The following ERO1B variants were observed in gnomAD, a reference collection of about 807,000 sequenced individuals.
ERO1B encodes the protein endoplasmic reticulum oxidoreductase 1 beta.
Under a neutral mutation model 75.3 loss-of-function variants are expected in ERO1B, and 49 were observed. That is an observed-to-expected ratio of 0.65 (90% CI 0.52 to 0.83). ERO1B has a LOEUF of 0.83. ERO1B is among the 40% of genes least tolerant of loss of function. The pLI is 0.00. For missense variants in ERO1B, 512 were observed against 560.1 expected (o/e 0.91, Z 0.87); for synonymous variants, 191 against 192.9 (o/e 0.99, Z 0.08).
chr1:236,220,795 G>A (rs1664119700), intron 15 of ERO1B, 37 bp downstream of exon 15: 1 of 1,494,704 alleles, frequency 6.7e-7, no homozygotes. Flanking sequence ...GAAACCCAAT[G>A]GGAAATCAAA....
rs1665018662 is a variant in ERO1B at position 236,251,247 on chromosome 1, T to C, written c.348+803A>G. ...TTACACACAATAAATTACATATTAC[T>C]TGTGGATACACATGCAATAAAAGTG... is the stretch of plus-strand genomic sequence containing the variant. On this transcript the variant is annotated intron_variant, in intron 4 of 15. Transcript: ENST00000354619. Among the ~76,000 whole-genome samples, 6 of 152,192 alleles carry C rather than the reference T, an allele frequency of 3.9e-5. No homozygotes were observed. The South Asian group carries it at 1.2e-3, about 32-fold the overall frequency.
In ERO1B at chr1:236,216,417, A is replaced by G. The variant is rs71642837; in HGVS notation, c.*2099T>C. The G allele has an allele frequency of 1.3e-5, 2 of 152,172 alleles. No homozygotes were observed. The highest frequency in any genetic ancestry group is 2.9e-5 in the Non-Finnish European group (2 of 67,998). The allele number at this position is 152,172 out of a possible 1,614,324, so 9.4% of individuals were successfully genotyped here. A position where few individuals can be genotyped will look rare whatever the true frequency, so the allele number is the denominator to read the frequency against. On this transcript the variant is annotated 3_prime_UTR_variant, in exon 16 of 16. Coordinates refer to ENST00000354619, the MANE Select transcript of ERO1B (RefSeq NM_019891.4). ...TCATTTAAGAAATAAAAACACATAC[A>G]CAAAAATGTAGGCTGCCCCTACAAT... is the stretch of plus-strand genomic sequence containing the variant.
At chr1:236,254,822 A>T (rs1665121549) in intron 2 of ERO1B, among the ~76,000 whole-genome samples, 2 of 152,006 alleles carry the variant, frequency 1.3e-5, no homozygotes, top group African/African-American at 4.8e-5. Flanking sequence ...CATGTTGGCC[A>T]GGCTGGTTTC....
At chr1:236,237,219 A>G (rs568599835) in intron 6 of ERO1B, among the ~76,000 whole-genome samples, 1 of 147,916 alleles carries the variant, frequency 6.8e-6, no homozygotes, top group Admixed American at 7.0e-5. Context: ...TCCCAGGTTC[A>G]AGCGATTCTC....
intron 6 of ERO1B, among the ~76,000 whole-genome samples, chr1:236,238,631 A>T (rs1341577350): frequency 1.3e-5 from 2 of 151,460 alleles, no homozygotes; most frequent in South Asian, 4.2e-4. Context: ...TAATCTCCAT[A>T]AGCTGCTCTT....
At chr1:236,243,178 T>G (rs530870468) in intron 6 of ERO1B, among the ~76,000 whole-genome samples, 1 of 152,246 alleles carries the variant, frequency 6.6e-6, no homozygotes, top group East Asian at 1.9e-4. Context: ...TCAGACTCAG[T>G]TTTCTCAGAT....
At chr1:236,278,402 A>G (rs1438170748) in intron 1 of ERO1B, among the ~76,000 whole-genome samples, 1 of 151,878 alleles carries the variant, frequency 6.6e-6, no homozygotes, top group Admixed American at 6.5e-5. Flanking sequence ...CATCCTCAAT[A>G]TAAGGGTAAA....
chr1:236,239,528 C>A (rs558301517), intron 6 of ERO1B, among the ~76,000 whole-genome samples: 2,081 of 152,068 alleles, frequency 0.014, 33 homozygotes, highest in African/African-American at 0.045. Context: ...AGGCCAAGTT[C>A]TCTACAAACA....
At chr1:236,242,597 G>T (rs922153469) in intron 6 of ERO1B, among the ~76,000 whole-genome samples, 1 of 151,910 alleles carries the variant, frequency 6.6e-6, no homozygotes, top group Non-Finnish European at 1.5e-5. Flanking sequence ...TTCTACCCGT[G>T]AATCTTTTTT....
In ERO1B at chr1:236,226,627, C is replaced by G; in HGVS notation, c.805+20G>C. ...TTTACACTAATAGAAGGCAAAATCT[C>G]GACTTAAAAATATGATTACCTTCCA... is the stretch of plus-strand genomic sequence containing the variant. On this transcript the variant is annotated intron_variant, in intron 11 of 15. Transcript: ENST00000354619. 1 of 1,601,688 alleles carries G rather than the reference C, an allele frequency of 6.2e-7. No homozygotes were observed. The highest frequency in any genetic ancestry group is 8.5e-7 in the Non-Finnish European group (1 of 1,176,410).
At chr1:236,264,667 A>C (rs1665378163) in intron 2 of ERO1B, among the ~76,000 whole-genome samples, 1 of 152,074 alleles carries the variant, frequency 6.6e-6, no homozygotes, top group Admixed American at 6.6e-5. Context: ...AACATGGTGA[A>C]ACCCCATCTC....
chr1:236,271,851 A>C (rs1357658210), intron 1 of ERO1B, among the ~76,000 whole-genome samples: 1 of 152,026 alleles, frequency 6.6e-6, no homozygotes, highest in Non-Finnish European at 1.5e-5. Flanking sequence ...CTTTCTTATA[A>C]ATTTTTCTTA....
rs577307011 is a variant in ERO1B, at chr1:236,251,458, A to G, written c.348+592T>C. On this transcript the variant is annotated intron_variant, in intron 4 of 15. Transcript: ENST00000354619. ...GCAAAAATAAATACAATAAAGTAAA[A>G]ACAAAAGATTACACGGGAGAGAGAG... 111 of 978,412 alleles carry G rather than the reference A, an allele frequency of 1.1e-4. No individual in the cohort carries two copies. In the Middle Eastern group the frequency reaches 1.6e-3, roughly 14 times the overall value. 60.6% of individuals were successfully genotyped at this position (978,412 alleles called of 1,614,324 possible). A position where few individuals can be genotyped will look rare whatever the true frequency, so the allele number is the denominator to read the frequency against.
intron 6 of ERO1B, 67 bp from the exon 7 acceptor site, chr1:236,236,465 A>T (rs1184756082): frequency 5.8e-6 from 9 of 1,561,936 alleles, no homozygotes; most frequent in Admixed American, 3.5e-5. Context: ...AACAGTACAA[A>T]GCAAACCGGA....
rs566965047 is a variant in ERO1B, at chr1:236,216,874, C to T, written c.*1642G>A. 6.6e-6 allele frequency: 1 copy of T among 151,844 alleles called. No individual in the cohort carries two copies. The highest frequency in any genetic ancestry group is 6.6e-5 in the Admixed American group (1 of 15,234). The allele number at this position is 151,844 out of a possible 1,614,324, so 9.4% of individuals were successfully genotyped here. A position where few individuals can be genotyped will look rare whatever the true frequency, so the allele number is the denominator to read the frequency against. On this transcript the variant is annotated 3_prime_UTR_variant, in exon 16 of 16. Transcript: ENST00000354619. ...CTTAAGGCCCCCCTCCCCCACCATACAATACTTGCAACCCTCAAGAAAAAG... is the reference window on the plus strand; with the variant it reads ...CTTAAGGCCCCCCTCCCCCACCATATAATACTTGCAACCCTCAAGAAAAAG...
chr1:236,223,485 A>G (rs1337271888), intron 13 of ERO1B, among the ~76,000 whole-genome samples: 1 of 152,232 alleles, frequency 6.6e-6, no homozygotes, highest in Non-Finnish European at 1.5e-5. Context: ...GAAAGGAATC[A>G]ATACCTTGGC....
In ERO1B at chr1:236,216,901, AGAG is replaced by A. The variant is rs1484263939; in HGVS notation, c.*1612_*1614del. ...ATACTTGCAACCCTCAAGAAAAAGTAGAGGAGGCTCCAATCAAGTCAGCCTTTT... is the reference window on the plus strand; with the variant it reads ...ATACTTGCAACCCTCAAGAAAAAGTAGAGGCTCCAATCAAGTCAGCCTTTT... On this transcript the variant is annotated 3_prime_UTR_variant, in exon 16 of 16. Coordinates refer to ENST00000354619, the MANE Select transcript of ERO1B (RefSeq NM_019891.4). 6.6e-6 allele frequency: 1 copy of A among 152,070 alleles called. No homozygotes were observed. Among genetic ancestry groups the A allele is most frequent in the African/African-American group, 2.4e-5 (1 of 41,426 alleles). The allele number at this position is 152,070 out of a possible 1,614,324, so 9.4% of individuals were successfully genotyped here.
At chr1:236,253,535 C>G (rs773012286) in intron 2 of ERO1B, 30 bp from the exon 3 acceptor site, 1 of 1,450,716 alleles carries the variant, frequency 6.9e-7, no homozygotes, top group Non-Finnish European at 9.6e-7. Flanking sequence ...TTAGTAAACT[C>G]ATATTATAGT....
chr1:236,278,553 G>A lies in ERO1B; in HGVS notation c.102+3129C>T, dbSNP rs372384578. On this transcript the variant is annotated intron_variant, in intron 1 of 15. Transcript: ENST00000354619. ...GTTTAGGAGAAGCCCTCAGAGTAAC[G>A]GACTGGTATAGCACTATTTAAGTTC... 5.1e-4 allele frequency among the ~76,000 whole-genome samples: 78 copies of A among 152,162 alleles called. 1 individual carries two copies. The highest frequency in any genetic ancestry group is 1.5e-3 in the African/African-American group (62 of 41,498).
Sources: allele counts gnomAD v4.1 joint callset (sites outside exome capture counted in the v4.1 genomes callset), GRCh38; gene constraint gnomAD v4.1.1; transcripts MANE v1.5; gene names NCBI Gene and HGNC (gene_info 2026-07-23, HGNC 2026-07-21).